GJC1: variants seen among roughly 807,000 people sequenced by gnomAD.
The protein encoded by GJC1 is gap junction gamma-1 protein.
A neutral mutation model predicts 29.3 loss-of-function variants in GJC1; 5 were observed. The observed-to-expected ratio is 0.17, with a 90% CI of 0.09 to 0.36. The LOEUF (loss-of-function observed/expected upper bound fraction) is 0.36, where lower values mean the gene tolerates loss of function less well. Among genes scored for constraint, GJC1 ranks in the 10% least tolerant of loss-of-function variants. The probability of loss-of-function intolerance (pLI) is 1.00; values close to 1 mark genes in which losing one functional copy is unlikely to be tolerated. For synonymous variants in GJC1, 177 were observed against 183.3 expected (o/e 0.97, Z 0.28); for missense variants, 310 against 496.2 (o/e 0.62, Z 3.56).
chr17:44,811,185 G>A lies in GJC1; in HGVS notation c.-96-3716C>T, dbSNP rs755751126. ...CAACCTCCGCCTCCTGGGTTCAAGC[G>A]ATTCTCCTGCCTCAGCCCCCCAAGT... On this transcript the variant is annotated intron_variant, in intron 1 of 2. Coordinates refer to ENST00000592524, the MANE Select transcript of GJC1 (RefSeq NM_005497.4). 4.6e-5 allele frequency among the ~76,000 whole-genome samples: 7 copies of A among 151,848 alleles called. No homozygotes were observed. In the East Asian group the frequency reaches 1.4e-3, roughly 29 times the overall value.
chr17:44,830,381 G>A (rs1446712886), upstream of GJC1: 9 of 271,558 alleles, frequency 3.3e-5, no homozygotes, highest in African/African-American at 1.1e-4. This position sits in a 1 kb window ranked among gnomAD's most constrained non-coding sequence, Gnocchi z 4.3. Context: ...GTGGGAGGGG[G>A]GCGCCCCAGA....
At chr17:44,796,698 AAC>A (rs2049785196), downstream of GJC1, among the ~76,000 whole-genome samples, 2 of 152,106 alleles carry the variant, frequency 1.3e-5, no homozygotes, top group Admixed American at 6.6e-5. Flanking sequence ...CTAACTATGC[AAC>A]AGTTTTACTC....
Position 44,798,649 on chromosome 17 carries a change from C to A in GJC1, c.*5978G>T, listed in dbSNP as rs574956498. ...CTGCACACCACATGACATTAGATTG[C>A]TGGTTAACCATTTAATTTTACATTT... On this transcript the variant is annotated 3_prime_UTR_variant, in exon 3 of 3. Coordinates refer to ENST00000592524, the MANE Select transcript of GJC1 (RefSeq NM_005497.4). 1.3e-5 allele frequency: 2 copies of A among 152,200 alleles called. No individual in the cohort carries two copies. Among genetic ancestry groups the A allele is most frequent in the African/African-American group, 2.4e-5 (1 of 41,448 alleles). 9.4% of individuals were successfully genotyped at this position (152,200 alleles called of 1,614,324 possible).
At chr17:44,816,636 G>T (rs1224692901) in intron 1 of GJC1, among the ~76,000 whole-genome samples, 2 of 152,092 alleles carry the variant, frequency 1.3e-5, no homozygotes, top group East Asian at 1.9e-4. Flanking sequence ...TTCTCGAGTA[G>T]CTGGGATTAC....
At chr17:44,807,095 C>T (rs1597743046) in intron 2 of GJC1, among the ~76,000 whole-genome samples, 1 of 152,126 alleles carries the variant, frequency 6.6e-6, no homozygotes. Context: ...TACTTCTGTA[C>T]CTTATTTATG....
chr17:44,831,126 T>C (rs1348671530), upstream of GJC1, among the ~76,000 whole-genome samples: 1 of 152,176 alleles, frequency 6.6e-6, no homozygotes, highest in Non-Finnish European at 1.5e-5. Flanking sequence ...GAGGGGAAAT[T>C]AAGCGCTAAC....
intron 1 of GJC1, among the ~76,000 whole-genome samples, chr17:44,817,150 G>C (rs917832865): frequency 6.6e-6 from 1 of 151,734 alleles, no homozygotes; most frequent in Non-Finnish European, 1.5e-5. Context: ...TGGTTGCAGT[G>C]AGCTGAGATC....
chr17:44,822,273 C>T (rs901175390), intron 1 of GJC1, among the ~76,000 whole-genome samples: 12 of 149,806 alleles, frequency 8.0e-5, no homozygotes, highest in African/African-American at 3.0e-4. Context: ...ATTGTACAAC[C>T]ATTATGGGGG....
At position 44,812,910 on chromosome 17, in the gene GJC1, G is replaced by A. The variant is rs973229739; in HGVS notation, c.-96-5441C>T. The A allele has an allele frequency of 1.3e-5, 2 of 151,836 alleles. 1 individual carries two copies. Among genetic ancestry groups the A allele is most frequent in the Non-Finnish European group, 2.9e-5 (2 of 67,978 alleles). The allele number at this position is 151,836 out of a possible 1,614,324, so 9.4% of individuals were successfully genotyped here. A position where few individuals can be genotyped will look rare whatever the true frequency, so the allele number is the denominator to read the frequency against. ...GTTCTGCCCACCTCGGCCTCCCAAA[G>A]TGCTGGGATTACAGACGTGAGCCAC... On this transcript the variant is annotated intron_variant, in intron 1 of 2. Coordinates refer to ENST00000592524, the MANE Select transcript of GJC1 (RefSeq NM_005497.4).
At chr17:44,818,933 C>A (rs1464664850) in intron 1 of GJC1, among the ~76,000 whole-genome samples, 1 of 152,026 alleles carries the variant, frequency 6.6e-6, no homozygotes, top group Non-Finnish European at 1.5e-5. Flanking sequence ...CATGGCGAGA[C>A]CCCGTCTCTA....
At chr17:44,806,885 C>A (rs1431328359) in intron 2 of GJC1, among the ~76,000 whole-genome samples, 1 of 151,900 alleles carries the variant, frequency 6.6e-6, no homozygotes, top group East Asian at 1.9e-4. Flanking sequence ...TAGACAAGTG[C>A]TAAAAGGGAT....
intron 1 of GJC1, among the ~76,000 whole-genome samples, chr17:44,825,863 T>C (rs2050169566): frequency 6.6e-6 from 1 of 152,126 alleles, no homozygotes; most frequent in Non-Finnish European, 1.5e-5. Context: ...CATTATAGCC[T>C]CAAAGAACAA....
chr17:44,814,375 C>T (rs1193535384), intron 1 of GJC1, among the ~76,000 whole-genome samples: 1 of 151,094 alleles, frequency 6.6e-6, no homozygotes, highest in Non-Finnish European at 1.5e-5. Flanking sequence ...CTCCTGACCT[C>T]GTGATCCACC....
intron 1 of GJC1, among the ~76,000 whole-genome samples, chr17:44,827,495 A>G (rs1454283500): frequency 6.6e-6 from 1 of 152,170 alleles, no homozygotes; most frequent in Admixed American, 6.6e-5. Flanking sequence ...ATAGGAAGGA[A>G]GGACAGGACA....
At chr17:44,819,748 A>C (rs1053570792) in intron 1 of GJC1, among the ~76,000 whole-genome samples, 1 of 152,356 alleles carries the variant, frequency 6.6e-6, no homozygotes, top group Non-Finnish European at 1.5e-5. Context: ...TATATTCCAT[A>C]GTATGTACAT....
In GJC1 at chr17:44,802,634, A is replaced by G. The variant is rs542105237; in HGVS notation, c.*1993T>C. ...TTTAGAGTTCCTGAGGTGCTTCTCTAGGCTAAAATTTAAAGATTTTTTTTT... is the reference window on the plus strand; with the variant it reads ...TTTAGAGTTCCTGAGGTGCTTCTCTGGGCTAAAATTTAAAGATTTTTTTTT... On this transcript the variant is annotated 3_prime_UTR_variant, in exon 3 of 3. Transcript: ENST00000592524. 6.6e-6 allele frequency: 1 copy of G among 152,122 alleles called. No homozygotes were observed. Among genetic ancestry groups the G allele is most frequent in the East Asian group, 1.9e-4 (1 of 5,176 alleles). The allele number at this position is 152,122 out of a possible 1,614,324, so 9.4% of individuals were successfully genotyped here.
chr17:44,813,114 G>T (rs943272381), intron 1 of GJC1: 1 of 151,576 alleles, frequency 6.6e-6, no homozygotes, highest in African/African-American at 2.4e-5. Flanking sequence ...TGTCACCCAG[G>T]CTGGAGCACA....
At chr17:44,814,665 C>CG (rs2050021975) in intron 1 of GJC1, among the ~76,000 whole-genome samples, 1 of 151,820 alleles carries the variant, frequency 6.6e-6, no homozygotes, top group Non-Finnish European at 1.5e-5. Flanking sequence ...GACATAGGGC[C>CG]GGAGCGATGG....
intron 1 of GJC1, among the ~76,000 whole-genome samples, chr17:44,825,104 A>G (rs528701010): frequency 4.0e-4 from 57 of 143,406 alleles, no homozygotes; most frequent in African/African-American, 1.5e-3. Context: ...GGTCCCAGCT[A>G]CTAGGGATGC....
Sources: gnomAD v4.1 joint callset for allele counts (sites outside exome capture counted in the v4.1 genomes callset) on GRCh38, gnomAD v4.1.1 for gene constraint, Gnocchi (gnomAD v3.1) non-coding constraint, MANE v1.5 for transcripts, NCBI Gene and HGNC (gene_info 2026-07-23, HGNC 2026-07-21) for gene names.